The following NALCN variants were observed in gnomAD, a reference collection of about 807,000 sequenced individuals.
NALCN encodes sodium leak channel NALCN.
A neutral mutation model predicts 225.3 loss-of-function variants in NALCN; 111 were observed. That is an observed-to-expected ratio of 0.49 (90% CI 0.42 to 0.58). The LOEUF is 0.58. Among genes scored for constraint, NALCN ranks in the 20% least tolerant of loss-of-function variants. The pLI, the probability that NALCN is intolerant of heterozygous loss-of-function variation, is 0.00. For synonymous variants in NALCN, 764 were observed against 769.0 expected (o/e 0.99, Z 0.11); for missense variants, 1,378 against 2,202.4 (o/e 0.63, Z 7.49).
intron 7 of NALCN, among the ~76,000 whole-genome samples, chr13:101,328,140 C>G (rs1160081817): frequency 1.3e-5 from 2 of 152,182 alleles, no homozygotes; most frequent in African/African-American, 4.8e-5. Flanking sequence ...CTTTAGAAGT[C>G]CTGCCAGGAC....
intron 1 of NALCN, among the ~76,000 whole-genome samples, chr13:101,401,511 C>T (rs1188900101): frequency 7.2e-5 from 11 of 152,204 alleles, no homozygotes; most frequent in Non-Finnish European, 1.3e-4. Flanking sequence ...ATTCCTCTTT[C>T]ACTGAGCAGT....
intron 13 of NALCN, among the ~76,000 whole-genome samples, chr13:101,209,211 G>A (rs1050473651): frequency 1.3e-5 from 2 of 151,912 alleles, no homozygotes; most frequent in Non-Finnish European, 2.9e-5. Context: ...TTTTCTTCAA[G>A]GCTCTTGTAA....
At chr13:101,159,789 T>A (rs556460894) in intron 15 of NALCN, among the ~76,000 whole-genome samples, 1 of 152,128 alleles carries the variant, frequency 6.6e-6, no homozygotes, top group South Asian at 2.1e-4. Context: ...AGACAATATA[T>A]AGGAGTTAGG....
chr13:101,065,623 C>CAA, intron 39 of NALCN, 62 bp from the exon 40 acceptor site: 1 of 1,500,746 alleles, frequency 6.7e-7, no homozygotes. Context: ...TTGGGTTTCT[C>CAA]AAAAGAAAAA....
chr13:101,176,179 C>T (rs146305732), intron 15 of NALCN, 121 bp downstream of exon 15: 31 of 572,268 alleles, frequency 5.4e-5, no homozygotes, highest in Admixed American at 2.0e-4. Context: ...TTACCACCTT[C>T]GATAGCCTTA....
intron 7 of NALCN, among the ~76,000 whole-genome samples, chr13:101,336,990 T>C (rs1340539889): frequency 6.6e-6 from 1 of 152,212 alleles, no homozygotes; most frequent in Admixed American, 6.5e-5. Context: ...CTAGCCATGA[T>C]GTGTCTACCA....
chr13:101,354,412 G>A (rs1594730129), intron 6 of NALCN, among the ~76,000 whole-genome samples: 1 of 152,124 alleles, frequency 6.6e-6, no homozygotes, highest in South Asian at 2.1e-4. Context: ...AAACTGAAAT[G>A]TGAAACCGTT....
chr13:101,342,781 C>G (rs544702992), intron 7 of NALCN, among the ~76,000 whole-genome samples: 30 of 152,258 alleles, frequency 2.0e-4, no homozygotes, highest in Non-Finnish European at 4.0e-4. Flanking sequence ...TGTCTTTACT[C>G]TTCAATCTTA....
chr13:101,212,096 G>T (rs2140080131), intron 13 of NALCN, among the ~76,000 whole-genome samples: 1 of 152,116 alleles, frequency 6.6e-6, no homozygotes, highest in African/African-American at 2.4e-5. Context: ...GCCATCCTTT[G>T]GTCATATGTC....
intron 7 of NALCN, among the ~76,000 whole-genome samples, chr13:101,294,856 T>C (rs2043684272): frequency 6.6e-6 from 1 of 152,126 alleles, no homozygotes; most frequent in Non-Finnish European, 1.5e-5. Flanking sequence ...CAGAAAACAG[T>C]CTTTCCATAA....
intron 15 of NALCN, among the ~76,000 whole-genome samples, chr13:101,171,756 C>T (rs987960774): frequency 6.6e-6 from 1 of 152,194 alleles, no homozygotes; most frequent in Non-Finnish European, 1.5e-5. Context: ...GGAATAAACA[C>T]ACCAGAGCCT....
intron 17 of NALCN, among the ~76,000 whole-genome samples, chr13:101,142,078 T>C (rs865850478): frequency 6.6e-6 from 1 of 151,952 alleles, no homozygotes; most frequent in Admixed American, 6.6e-5. Context: ...TACATTTATA[T>C]GTCTATGTGT....
At chr13:101,394,352 T>C (rs933349111) in intron 3 of NALCN, among the ~76,000 whole-genome samples, 1 of 152,178 alleles carries the variant, frequency 6.6e-6, no homozygotes, top group Non-Finnish European at 1.5e-5. Context: ...TCAAAATCCT[T>C]GTACAAAATA....
intron 12 of NALCN, among the ~76,000 whole-genome samples, chr13:101,234,274 CT>C (rs1399684985): frequency 6.6e-6 from 1 of 152,216 alleles, no homozygotes; most frequent in African/African-American, 2.4e-5. Context: ...ACTGCTCCAT[CT>C]TCAGTATCTG....
chr13:101,163,945 C>T (rs2038315100), intron 15 of NALCN, among the ~76,000 whole-genome samples: 1 of 152,068 alleles, frequency 6.6e-6, no homozygotes, highest in Non-Finnish European at 1.5e-5. Context: ...CCTGGGTGTT[C>T]CTTGTGGACC....
Position 101,220,924 on chromosome 13 carries a change from G to GA in NALCN, c.1626+8468dup, listed in dbSNP as rs140385429. The stretch of plus-strand genomic sequence containing the variant: ...ATTATTTAATACACAAAATGCAGAA[G>GA]AAAAAAAAACACATTTCGGCTTACA... On this transcript the variant is annotated intron_variant, in intron 13 of 43. Transcript: ENST00000251127. Among the ~76,000 whole-genome samples, 596 of 149,430 alleles carry GA rather than the reference G, an allele frequency of 4.0e-3. 2 individuals are homozygous for GA. The highest frequency in any genetic ancestry group is 0.014 in the African/African-American group (551 of 40,716).
chr13:101,390,268 G>A (rs77460300), intron 3 of NALCN, among the ~76,000 whole-genome samples: 6,934 of 151,420 alleles, frequency 0.046, 233 homozygotes, highest in Non-Finnish European at 0.067. Context: ...AATGATAAGA[G>A]ACTAAAAAAA....
At chr13:101,102,900 G>A (rs1201621818) in intron 26 of NALCN, among the ~76,000 whole-genome samples, 1 of 152,170 alleles carries the variant, frequency 6.6e-6, no homozygotes, top group Non-Finnish European at 1.5e-5. Flanking sequence ...AGGAATTAGA[G>A]TCAAGAGGTT....
intron 15 of NALCN, among the ~76,000 whole-genome samples, chr13:101,152,250 G>C (rs1042481696): frequency 6.6e-6 from 1 of 152,168 alleles, no homozygotes; most frequent in African/African-American, 2.4e-5. Context: ...TTAACTGCAT[G>C]TGCTGTATCC....
Sources: gnomAD v4.1 joint callset for allele counts (sites outside exome capture counted in the v4.1 genomes callset) on GRCh38, gnomAD v4.1.1 for gene constraint, MANE v1.5 for transcripts, NCBI Gene and HGNC (gene_info 2026-07-23, HGNC 2026-07-21) for gene names.